COL8A1: variants seen among roughly 807,000 people sequenced by gnomAD.
COL8A1 encodes collagen alpha-1(VIII) chain.
COL8A1 carries 21 observed loss-of-function variants against 42.7 expected under a neutral mutation model. The ratio of observed to expected loss-of-function variants is 0.49; its 90% CI spans 0.35 to 0.71. COL8A1 has a LOEUF of 0.71. Among genes scored for constraint, COL8A1 ranks in the 30% least tolerant of loss-of-function variants. The pLI is 0.01. For synonymous variants in COL8A1, 367 were observed against 369.1 expected (o/e 0.99, Z 0.06); for missense variants, 788 against 962.4 (o/e 0.82, Z 2.40).
intron 1 of COL8A1, among the ~76,000 whole-genome samples, chr3:99,728,777 ATAT>A (rs1940412588): frequency 6.6e-6 from 1 of 152,036 alleles, no homozygotes; most frequent in Non-Finnish European, 1.5e-5. Flanking sequence ...GTATCTCATA[ATAT>A]TATTAGCCCA....
rs1172723632 is a variant in COL8A1, at chr3:99,773,837, ATT to A, written c.-3-16819_-3-16818del. Among the ~76,000 whole-genome samples the A allele has an allele frequency of 7.2e-3, 327 of 45,300 alleles. 1 individual carries two copies. The highest frequency in any genetic ancestry group is 0.039 in the African/African-American group (302 of 7,720). The allele number at this position is 45,300 out of a possible 152,430, so 29.7% of individuals were successfully genotyped here. A position where few individuals can be genotyped will look rare whatever the true frequency, so the allele number is the denominator to read the frequency against. ...TGTGTATATATATATATATATATAT[ATT>A]TTTTTTTTTTTTTTTTTTTTTTTGA... On this transcript the variant is annotated intron_variant, in intron 2 of 3. Transcript: ENST00000652472.
At chr3:99,656,900 T>G (rs1260831019) in intron 1 of COL8A1, among the ~76,000 whole-genome samples, 3 of 152,222 alleles carry the variant, frequency 2.0e-5, no homozygotes, top group Non-Finnish European at 4.4e-5. Flanking sequence ...AAAGTCCACT[T>G]GGGCATGCCA....
chr3:99,797,964 C>T lies in COL8A1; in HGVS notation c.*1828C>T, dbSNP rs1942132943. 1 of 152,218 alleles carries T rather than the reference C, an allele frequency of 6.6e-6. No individual in the cohort carries two copies. The highest frequency in any genetic ancestry group is 1.5e-5 in the Non-Finnish European group (1 of 68,050). The allele number at this position is 152,218 out of a possible 1,614,324, so 9.4% of individuals were successfully genotyped here. The stretch of plus-strand genomic sequence containing the variant: ...GAGCCTGCTATTAGCCTGCTGCTGA[C>T]TCTATCACTTGGAGCAATAATGTGG... On this transcript the variant is annotated 3_prime_UTR_variant, in exon 4 of 4. Transcript: ENST00000652472.
At chr3:99,776,086 A>G (rs1941687525) in intron 2 of COL8A1, among the ~76,000 whole-genome samples, 2 of 152,212 alleles carry the variant, frequency 1.3e-5, no homozygotes. Flanking sequence ...TCTTGCTTAC[A>G]AGAAGTTGGC....
At chr3:99,672,159 C>T (rs1361042733) in intron 1 of COL8A1, among the ~76,000 whole-genome samples, 1 of 151,994 alleles carries the variant, frequency 6.6e-6, no homozygotes, top group African/African-American at 2.4e-5. Context: ...TAGGAAGTTT[C>T]CACAGCTCAG....
chr3:99,663,750 C>T (rs956247700), intron 1 of COL8A1, among the ~76,000 whole-genome samples: 1 of 152,020 alleles, frequency 6.6e-6, no homozygotes, highest in African/African-American at 2.4e-5. Flanking sequence ...AGATCTGCAT[C>T]CCTTATTGAA....
chr3:99,794,684 C>G lies in COL8A1; in HGVS notation c.783C>G (p.Gly261=). The change falls in exon 4 of 4, where the codon GGC becomes GGG. Residue 261 remains glycine, a synonymous_variant. Transcript: ENST00000652472. This position sits in a 1 kb window ranked among gnomAD's most constrained non-coding sequence, Gnocchi z 4.3. The part of the protein sequence containing the change: ...PGVKGPPGMH[G]PPGPVGLPGV... ...TAAAGGGGCCTCCAGGGATGCACGG[C>G]CCTCCCGGCCCTGTTGGACTGCCAG... 6.2e-7 allele frequency: 1 copy of G among 1,613,362 alleles called. No individual in the cohort carries two copies. Among genetic ancestry groups the G allele is most frequent in the Non-Finnish European group, 8.5e-7 (1 of 1,179,742 alleles).
At chr3:99,669,257 G>A (rs964413430) in intron 1 of COL8A1, among the ~76,000 whole-genome samples, 11 of 151,544 alleles carry the variant, frequency 7.3e-5, no homozygotes, top group Admixed American at 6.6e-5. Flanking sequence ...GATCAATGCT[G>A]TGACAGAGAA....
At position 99,670,636 on chromosome 3, in the gene COL8A1, C is replaced by T. The variant is rs373072820; in HGVS notation, c.-129+31972C>T. ...TTTTTGTGGTGAGATATTTGAACTTCGCTTTCTTAGTTATTTTGAACTATA... is the reference window on the plus strand; with the variant it reads ...TTTTTGTGGTGAGATATTTGAACTTTGCTTTCTTAGTTATTTTGAACTATA... On this transcript the variant is annotated intron_variant, in intron 1 of 3. Coordinates refer to ENST00000652472, the MANE Select transcript of COL8A1 (RefSeq NM_020351.4). Among the ~76,000 whole-genome samples, 13 of 152,014 alleles carry T rather than the reference C, an allele frequency of 8.6e-5. No individual in the cohort carries two copies. In the South Asian group the frequency reaches 2.5e-3, roughly 29 times the overall value.
chr3:99,654,328 A>G (rs1559768919), intron 1 of COL8A1, among the ~76,000 whole-genome samples: 1 of 152,192 alleles, frequency 6.6e-6, no homozygotes, highest in Non-Finnish European at 1.5e-5. Flanking sequence ...ACACCCAGGA[A>G]CAATACTTGG....
At chr3:99,774,666 C>T (rs1185461805) in intron 2 of COL8A1, among the ~76,000 whole-genome samples, 1 of 152,082 alleles carries the variant, frequency 6.6e-6, no homozygotes, top group African/African-American at 2.4e-5. Context: ...TTCCCTGTTA[C>T]TCATTTCACA....
chr3:99,798,720 AGAG>A lies in COL8A1; in HGVS notation c.*2588_*2590del, dbSNP rs1942145551. ...CATAGGTTTCTAACTTTTAGATAGA[AGAG>A]GAGCAACATCTATGCCAAATACTGT... On this transcript the variant is annotated 3_prime_UTR_variant, in exon 4 of 4. Transcript: ENST00000652472. The A allele has an allele frequency of 6.6e-6, 1 of 152,360 alleles. No individual in the cohort carries two copies. Among genetic ancestry groups the A allele is most frequent in the Admixed American group, 6.5e-5 (1 of 15,302 alleles). 9.4% of individuals were successfully genotyped at this position (152,360 alleles called of 1,614,324 possible).
intron 1 of COL8A1, among the ~76,000 whole-genome samples, chr3:99,668,532 T>C (rs1418632893): frequency 6.6e-6 from 1 of 152,078 alleles, no homozygotes; most frequent in Non-Finnish European, 1.5e-5. Context: ...TAAAACATAA[T>C]GCCATTTCAC....
rs562428558 is a variant in COL8A1, at chr3:99,638,949, T to C, written c.-129+285T>C. Among the ~76,000 whole-genome samples, 6 of 152,322 alleles carry C rather than the reference T, an allele frequency of 3.9e-5. No homozygotes were observed. In the South Asian group the frequency reaches 1.2e-3, roughly 32 times the overall value. On this transcript the variant is annotated intron_variant, in intron 1 of 3. Coordinates refer to ENST00000652472, the MANE Select transcript of COL8A1 (RefSeq NM_020351.4). ...GTTGCTTAGGTTAAAATGTATCTGT[T>C]TGGGGTGTTGTACTGACGTTTTTCA... is the stretch of plus-strand genomic sequence containing the variant.
chr3:99,723,487 C>A (rs1279655665), intron 1 of COL8A1, among the ~76,000 whole-genome samples: 1 of 152,112 alleles, frequency 6.6e-6, no homozygotes, highest in Non-Finnish European at 1.5e-5. Flanking sequence ...CCAAAGTAAT[C>A]ATTTCCTTGG....
chr3:99,765,224 TA>T (rs1941440389), intron 2 of COL8A1, among the ~76,000 whole-genome samples: 1 of 152,138 alleles, frequency 6.6e-6, no homozygotes, highest in South Asian at 2.1e-4. Flanking sequence ...CCCTCTGTCT[TA>T]AAGGAAGCTT....
At chr3:99,781,223 T>C (rs999207353) in intron 2 of COL8A1, among the ~76,000 whole-genome samples, 1 of 152,230 alleles carries the variant, frequency 6.6e-6, no homozygotes, top group Non-Finnish European at 1.5e-5. Flanking sequence ...TTAGTTCTTT[T>C]ATAATTCAGA....
intron 3 of COL8A1, among the ~76,000 whole-genome samples, chr3:99,793,971 C>T (rs1367489474): frequency 6.6e-6 from 1 of 152,168 alleles, no homozygotes; most frequent in Non-Finnish European, 1.5e-5. Context: ...AAGCTGGTCT[C>T]GAACTCCTGA....
At chr3:99,732,403 G>A (rs915648220) in intron 1 of COL8A1, among the ~76,000 whole-genome samples, 1 of 152,092 alleles carries the variant, frequency 6.6e-6, no homozygotes, top group Non-Finnish European at 1.5e-5. Flanking sequence ...GAGGCCTAAG[G>A]AAACTTACTA....
Sources: gnomAD v4.1 joint callset for allele counts (sites outside exome capture counted in the v4.1 genomes callset) on GRCh38, gnomAD v4.1.1 for gene constraint, Gnocchi (gnomAD v3.1) non-coding constraint, MANE v1.5 for transcripts, NCBI Gene and HGNC (gene_info 2026-07-23, HGNC 2026-07-21) for gene names.